The following COX7B2 variants were observed in gnomAD, a reference collection of about 807,000 sequenced individuals.
The protein encoded by COX7B2 is cytochrome c oxidase subunit 7B2, mitochondrial.
For missense variants in COX7B2, 109 were observed against 95.9 expected (o/e 1.14, Z -0.57); for synonymous variants, 37 against 32.1 (o/e 1.15, Z -0.51).
intron 1 of COX7B2, among the ~76,000 whole-genome samples, chr4:46,860,592 T>C (rs1044982345): frequency 6.6e-6 from 1 of 152,144 alleles, no homozygotes; most frequent in South Asian, 2.1e-4. Flanking sequence ...AAGTCTCTGG[T>C]TAGATGGTCA....
chr4:46,892,433 T>A (rs1719482908), intron 1 of COX7B2, among the ~76,000 whole-genome samples: 1 of 152,210 alleles, frequency 6.6e-6, no homozygotes, highest in East Asian at 1.9e-4. Context: ...AGGTGTGTAC[T>A]GGCTTGGCCA....
intron 2 of COX7B2, among the ~76,000 whole-genome samples, chr4:46,824,947 A>G (rs2109706527): frequency 6.6e-6 from 1 of 152,282 alleles, no homozygotes; most frequent in East Asian, 1.9e-4. Flanking sequence ...CAAACGCTGG[A>G]AGCATTCCCC....
At chr4:46,770,268 C>T (rs1716798677) in intron 2 of COX7B2, among the ~76,000 whole-genome samples, 1 of 152,002 alleles carries the variant, frequency 6.6e-6, no homozygotes, top group African/African-American at 2.4e-5. Context: ...TAAATAAATA[C>T]TTAGAAATAA....
At chr4:46,843,320 T>C (rs1560415254) in intron 2 of COX7B2, among the ~76,000 whole-genome samples, 1 of 152,056 alleles carries the variant, frequency 6.6e-6, no homozygotes, top group Non-Finnish European at 1.5e-5. Context: ...ATATCTGGCA[T>C]ATAATAAGTT....
intron 2 of COX7B2, among the ~76,000 whole-genome samples, chr4:46,736,979 C>T (rs1019225531): frequency 2.6e-5 from 4 of 152,202 alleles, no homozygotes; most frequent in East Asian, 1.9e-4. Flanking sequence ...AATCAAGGAG[C>T]GTGATTGCTG....
intron 2 of COX7B2, among the ~76,000 whole-genome samples, chr4:46,819,033 T>C (rs751971093): frequency 4.6e-5 from 7 of 152,220 alleles, no homozygotes; most frequent in Non-Finnish European, 1.0e-4. Flanking sequence ...ATAAAATGTT[T>C]TCAGTTTCAC....
At chr4:46,750,747 C>T (rs1175595912) in intron 2 of COX7B2, among the ~76,000 whole-genome samples, 2 of 152,174 alleles carry the variant, frequency 1.3e-5, no homozygotes, top group East Asian at 3.9e-4. Flanking sequence ...CAAGGTCCAG[C>T]AGGGTTGTTT....
chr4:46,782,187 A>G lies in COX7B2; in HGVS notation c.-49-46946T>C, dbSNP rs372125133. On this transcript the variant is annotated intron_variant, in intron 2 of 2. Transcript: ENST00000355591. The stretch of plus-strand genomic sequence containing the variant: ...GAGGATTGTATATGCATCAATCAGC[A>G]CTCTGTGTCTAGGTCAGGGTTTGTG... Among the ~76,000 whole-genome samples, 11 of 152,184 alleles carry G rather than the reference A, an allele frequency of 7.2e-5. No individual in the cohort carries two copies. In the East Asian group the frequency reaches 1.5e-3, roughly 21 times the overall value.
chr4:46,795,082 G>A (rs1718254542), intron 2 of COX7B2, among the ~76,000 whole-genome samples: 1 of 137,964 alleles, frequency 7.2e-6, no homozygotes, highest in Non-Finnish European at 1.5e-5. Context: ...TGAGTTCATT[G>A]TAGATTCTGG....
At chr4:46,766,072 C>G (rs1400166484) in intron 2 of COX7B2, among the ~76,000 whole-genome samples, 1 of 152,116 alleles carries the variant, frequency 6.6e-6, no homozygotes, top group Non-Finnish European at 1.5e-5. Context: ...TCAGCCAGAC[C>G]CTGTTTCCAA....
Position 46,826,118 on chromosome 4 carries a change from C to T in COX7B2, c.-50+18842G>A, listed in dbSNP as rs1714673311. The stretch of plus-strand genomic sequence containing the variant: ...CTACAGAATGAGAGAAAATATATTG[C>T]AAACTATGCATCTGACAGTCTAACA... On this transcript the variant is annotated intron_variant, in intron 2 of 2. Coordinates refer to ENST00000355591, the MANE Select transcript of COX7B2 (RefSeq NM_130902.3). 4.6e-5 allele frequency among the ~76,000 whole-genome samples: 7 copies of T among 152,136 alleles called. No individual in the cohort carries two copies. In the South Asian group the frequency reaches 1.5e-3, roughly 32 times the overall value.
intron 2 of COX7B2, among the ~76,000 whole-genome samples, chr4:46,822,499 C>T (rs759773805): frequency 1.9e-4 from 29 of 152,006 alleles, no homozygotes; most frequent in Non-Finnish European, 4.0e-4. Context: ...TGAATGTTTG[C>T]CCACCCTTTG....
At chr4:46,842,661 T>C (rs933427452) in intron 2 of COX7B2, among the ~76,000 whole-genome samples, 4 of 152,006 alleles carry the variant, frequency 2.6e-5, no homozygotes, top group African/African-American at 9.7e-5. Context: ...GTTTGGTTTT[T>C]TGTCCTTGCG....
chr4:46,739,450 C>A (rs1173268579), intron 2 of COX7B2, among the ~76,000 whole-genome samples: 2 of 151,990 alleles, frequency 1.3e-5, no homozygotes, highest in Admixed American at 1.3e-4. Flanking sequence ...AACTACTGTA[C>A]GTTACAGCCT....
At chr4:46,781,341 A>G (rs1717435310) in intron 2 of COX7B2, among the ~76,000 whole-genome samples, 1 of 152,216 alleles carries the variant, frequency 6.6e-6, no homozygotes, top group African/African-American at 2.4e-5. Context: ...TCCTCCATAA[A>G]TTCCAGTCAT....
chr4:46,893,569 A>G (rs958668624), intron 1 of COX7B2, among the ~76,000 whole-genome samples: 1 of 152,164 alleles, frequency 6.6e-6, no homozygotes, highest in Non-Finnish European at 1.5e-5. Context: ...TGTGGCAGCT[A>G]TTGCATCAAT....
chr4:46,908,042 T>C (rs1220048630), intron 1 of COX7B2, among the ~76,000 whole-genome samples: 1 of 151,672 alleles, frequency 6.6e-6, no homozygotes, highest in Non-Finnish European at 1.5e-5. Flanking sequence ...TTAGTAGAGA[T>C]GCGTTTCACC....
Position 46,832,791 on chromosome 4 carries a change from G to A in COX7B2, c.-50+12169C>T, listed in dbSNP as rs115587619. ...ACTCTCTCTCACTCCTGCTCTCACC[G>A]TGTGACCCACTAGCTCCCCTTCGCC... is the stretch of plus-strand genomic sequence containing the variant. On this transcript the variant is annotated intron_variant, in intron 2 of 2. Transcript: ENST00000355591. Among the ~76,000 whole-genome samples the A allele has an allele frequency of 4.4e-3, 677 of 152,186 alleles. 6 individuals are homozygous for A. The highest frequency in any genetic ancestry group is 0.016 in the African/African-American group (654 of 41,520).
At chr4:46,830,729 A>G (rs1004054316) in intron 2 of COX7B2, among the ~76,000 whole-genome samples, 6 of 152,232 alleles carry the variant, frequency 3.9e-5, no homozygotes, top group African/African-American at 1.4e-4. Flanking sequence ...TAGTAAGAGC[A>G]TGACAGGAGG....
Sources: gnomAD v4.1 joint callset for allele counts (sites outside exome capture counted in the v4.1 genomes callset) on GRCh38, gnomAD v4.1.1 for gene constraint, MANE v1.5 for transcripts, NCBI Gene and HGNC (gene_info 2026-07-23, HGNC 2026-07-21) for gene names.